Variants in GABBR2 observed in about 807,000 individuals in gnomAD.
GABBR2 encodes the protein G-protein coupled receptor 51.
Under a neutral mutation model 105.6 loss-of-function variants are expected in GABBR2, and 23 were observed. That is an observed-to-expected ratio of 0.22 (90% CI 0.16 to 0.31). GABBR2 has a LOEUF of 0.31. GABBR2 is among the 10% of genes least tolerant of loss of function. The pLI, the probability that GABBR2 is intolerant of heterozygous loss-of-function variation, is 1.00. For synonymous variants in GABBR2, 478 were observed against 499.7 expected (o/e 0.96, Z 0.58); for missense variants, 734 against 1,245.5 (o/e 0.59, Z 6.18).
At chr9:98,494,817 T>C (rs1056248481) in intron 4 of GABBR2, among the ~76,000 whole-genome samples, 1 of 152,232 alleles carries the variant, frequency 6.6e-6, no homozygotes, top group Non-Finnish European at 1.5e-5. Flanking sequence ...GTTGGCTGGT[T>C]GATGGGTAGA....
At chr9:98,580,533 A>G (rs1018140640) in intron 1 of GABBR2, among the ~76,000 whole-genome samples, 5 of 152,212 alleles carry the variant, frequency 3.3e-5, no homozygotes, top group Non-Finnish European at 7.3e-5. Context: ...CACGCCCGTA[A>G]TCCTAGCACT....
At chr9:98,321,170 G>T (rs1343343318) in intron 13 of GABBR2, among the ~76,000 whole-genome samples, 2 of 152,016 alleles carry the variant, frequency 1.3e-5, no homozygotes, top group African/African-American at 4.8e-5. Context: ...ATATTTCCTG[G>T]ATCTCAATAC....
intron 4 of GABBR2, among the ~76,000 whole-genome samples, chr9:98,490,825 C>G (rs984537142): frequency 3.9e-5 from 6 of 152,202 alleles, no homozygotes; most frequent in African/African-American, 1.2e-4. Context: ...CGCCTGGAAA[C>G]AGCTAAACTT....
chr9:98,298,174 C>T (rs1031607193), intron 17 of GABBR2, among the ~76,000 whole-genome samples: 1 of 151,924 alleles, frequency 6.6e-6, no homozygotes, highest in East Asian at 1.9e-4. Flanking sequence ...AAAATGCATT[C>T]ACACACACAT....
rs549723493 is a variant in GABBR2 at position 98,458,905 on chromosome 9, C to T, written c.1000-4688G>A. Among the ~76,000 whole-genome samples the T allele has an allele frequency of 5.9e-4, 90 of 152,304 alleles. 3 individuals are homozygous for T. The South Asian group carries it at 6.2e-3, about 11-fold the overall frequency. The stretch of plus-strand genomic sequence containing the variant: ...TATTGGATCTTTTCAGTAGCAACTT[C>T]CAGGTGTTTGCTGAGTTTCTTCTTA... On this transcript the variant is annotated intron_variant, in intron 6 of 18. Coordinates refer to ENST00000259455, the MANE Select transcript of GABBR2 (RefSeq NM_005458.8).
At chr9:98,545,177 C>G (rs529420232) in intron 2 of GABBR2, among the ~76,000 whole-genome samples, 14 of 152,194 alleles carry the variant, frequency 9.2e-5, no homozygotes, top group Non-Finnish European at 1.8e-4. Context: ...TGAACAACCT[C>G]ATGTTTTCCC....
At chr9:98,425,188 G>T (rs999360421) in intron 7 of GABBR2, among the ~76,000 whole-genome samples, 3 of 152,090 alleles carry the variant, frequency 2.0e-5, no homozygotes, top group Non-Finnish European at 4.4e-5. Flanking sequence ...ATAGGGAATG[G>T]CAGTGAGAAA....
At chr9:98,679,992 G>C (rs1187996428) in intron 1 of GABBR2, among the ~76,000 whole-genome samples, 2 of 152,186 alleles carry the variant, frequency 1.3e-5, no homozygotes, top group African/African-American at 4.8e-5. Context: ...GAAGGCTCCT[G>C]TGTCATGTAA....
chr9:98,395,911 G>A (rs1354853907), intron 8 of GABBR2, among the ~76,000 whole-genome samples: 1 of 152,098 alleles, frequency 6.6e-6, no homozygotes, highest in East Asian at 1.9e-4. Context: ...ATAGTGTGCT[G>A]GATCAGTGCT....
intron 1 of GABBR2, among the ~76,000 whole-genome samples, chr9:98,701,257 C>A (rs1316772148): frequency 6.6e-6 from 1 of 152,148 alleles, no homozygotes; most frequent in Non-Finnish European, 1.5e-5. Context: ...ATTAAACAGG[C>A]CCTTAGTGTA....
intron 3 of GABBR2, among the ~76,000 whole-genome samples, chr9:98,513,792 C>G (rs1381678262): frequency 6.6e-6 from 1 of 152,234 alleles, no homozygotes; most frequent in Admixed American, 6.5e-5. Flanking sequence ...AATAGGAACA[C>G]TTTTACACTG....
rs542067798 is a variant in GABBR2 at position 98,470,561 on chromosome 9, C to T, written c.999+2585G>A. Among the ~76,000 whole-genome samples, 645 of 152,196 alleles carry T rather than the reference C, an allele frequency of 4.2e-3. 6 individuals carry two copies. The highest frequency in any genetic ancestry group is 0.012 in the South Asian group (59 of 4,818). On this transcript the variant is annotated intron_variant, in intron 6 of 18. Coordinates refer to ENST00000259455, the MANE Select transcript of GABBR2 (RefSeq NM_005458.8). ...GGAATTATGGGAGTACAATTCAAGA[C>T]AAGATTTGGGTGGGGACGCAGAGCT...
At chr9:98,621,187 T>A (rs1186990317) in intron 1 of GABBR2, among the ~76,000 whole-genome samples, 2 of 152,106 alleles carry the variant, frequency 1.3e-5, no homozygotes, top group Non-Finnish European at 2.9e-5. Flanking sequence ...GTGGGGACAA[T>A]TATCCCCACC....
intron 4 of GABBR2, among the ~76,000 whole-genome samples, chr9:98,484,340 C>T (rs1826994968): frequency 6.6e-6 from 1 of 152,200 alleles, no homozygotes. Context: ...CAAGCTCTCC[C>T]AGGGCTCCAC....
At chr9:98,574,540 C>A (rs1446797500) in intron 2 of GABBR2, among the ~76,000 whole-genome samples, 2 of 152,236 alleles carry the variant, frequency 1.3e-5, no homozygotes, top group African/African-American at 4.8e-5. Context: ...ATGGAGCAAA[C>A]ACAAGCCATT....
chr9:98,668,349 C>T (rs562695525), intron 1 of GABBR2, among the ~76,000 whole-genome samples: 7 of 152,198 alleles, frequency 4.6e-5, no homozygotes, highest in Admixed American at 3.3e-4. Flanking sequence ...TAGGCAAGCC[C>T]TGCAGCGTCC....
At chr9:98,650,603 T>C (rs1269035028) in intron 1 of GABBR2, among the ~76,000 whole-genome samples, 2 of 152,146 alleles carry the variant, frequency 1.3e-5, no homozygotes, top group Admixed American at 1.3e-4. Flanking sequence ...AAAATCTTTA[T>C]ACTAAAAGAT....
Position 98,290,252 on chromosome 9 carries a change from C to T in GABBR2, c.*332G>A, listed in dbSNP as rs1830274009. The T allele has an allele frequency of 5.8e-6, 1 of 172,610 alleles. No homozygotes were observed. Among genetic ancestry groups the T allele is most frequent in the African/African-American group, 2.5e-5 (1 of 40,552 alleles). 10.7% of individuals were successfully genotyped at this position (172,610 alleles called of 1,614,324 possible). ...CCAGCTGGAGTTCTAGTGCCTCTCT[C>T]CTTGTCTAGTTTTTTTGTTTTTTTT... On this transcript the variant is annotated 3_prime_UTR_variant, in exon 19 of 19. Transcript: ENST00000259455.
intron 1 of GABBR2, among the ~76,000 whole-genome samples, chr9:98,590,766 G>C (rs1379434973): frequency 1.3e-5 from 2 of 152,226 alleles, no homozygotes; most frequent in Non-Finnish European, 2.9e-5. Context: ...AACATTGGCT[G>C]GGCGCCTGAG....
Sources: allele counts gnomAD v4.1 joint callset (sites outside exome capture counted in the v4.1 genomes callset), GRCh38; gene constraint gnomAD v4.1.1; transcripts MANE v1.5; gene names NCBI Gene and HGNC (gene_info 2026-07-23, HGNC 2026-07-21).